Variants in KIF1B observed in about 807,000 individuals in gnomAD.
KIF1B encodes the protein kinesin-like protein KIF1B.
A neutral mutation model predicts 241.9 loss-of-function variants in KIF1B; 76 were observed. That is an observed-to-expected ratio of 0.31 (90% CI 0.26 to 0.38). KIF1B has a LOEUF of 0.38. Ranked by LOEUF, KIF1B falls within the 10% of genes least tolerant of loss-of-function variation. The pLI is 1.00. For missense variants in KIF1B, 1,622 were observed against 2,271.4 expected, an observed-to-expected ratio of 0.71 and a Z score of 5.81; for synonymous variants, 750 against 796.7, an observed-to-expected ratio of 0.94 and a Z score of 0.99.
intron 34 of KIF1B, among the ~76,000 whole-genome samples, chr1:10,345,105 G>A (rs1652541181): frequency 6.6e-6 from 1 of 152,042 alleles, no homozygotes; most frequent in Admixed American, 6.5e-5. Flanking sequence ...GAGGTGGGAG[G>A]ATGGTTTGAG....
At chr1:10,333,565 G>A (rs892842271) in intron 27 of KIF1B, among the ~76,000 whole-genome samples, 3 of 151,594 alleles carry the variant, frequency 2.0e-5, no homozygotes, top group Non-Finnish European at 4.4e-5. Flanking sequence ...GGTGGCGGGC[G>A]CCGATAGTCC....
intron 7 of KIF1B, among the ~76,000 whole-genome samples, chr1:10,270,952 T>G (rs4845931): frequency 0.34 from 50,610 of 148,100 alleles, 8,673 homozygotes; most frequent in Middle Eastern, 0.39. Flanking sequence ...GGAAAGAAAA[T>G]AAATGTCAAA....
chr1:10,346,359 T>G (rs971538119), intron 35 of KIF1B, among the ~76,000 whole-genome samples: 13 of 138,298 alleles, frequency 9.4e-5, no homozygotes, highest in Non-Finnish European at 1.6e-4. Context: ...TTTTTTGGGG[T>G]TTTTTTTGTT....
Position 10,336,682 on chromosome 1 carries a change from C to T in KIF1B, c.3069C>T (p.Gly1023=). The T allele has an allele frequency of 6.2e-7, 1 of 1,613,880 alleles. No individual in the cohort carries two copies. Among genetic ancestry groups the T allele is most frequent in the South Asian group, 1.1e-5 (1 of 91,082 alleles). ...IAADEEAPDY[G]SGIRQSGTAK... ...CGGATGAAGAAGCTCCTGATTATGG[C>T]TCTGGAATTCGACAGTCAGGAACAG... is the stretch of plus-strand genomic sequence containing the variant. Residue 1023 remains glycine (G), a synonymous_variant, in exon 29 of 49, where the codon GGC becomes GGT. Transcript: ENST00000676179.
intron 22 of KIF1B, among the ~76,000 whole-genome samples, chr1:10,316,835 G>A (rs1023396315): frequency 2.6e-5 from 4 of 151,542 alleles, no homozygotes; most frequent in Non-Finnish European, 4.4e-5. Context: ...TCTTGATTCA[G>A]TTATTACATC....
intron 2 of KIF1B, among the ~76,000 whole-genome samples, chr1:10,247,270 C>T (rs903823168): frequency 1.3e-5 from 2 of 152,130 alleles, no homozygotes; most frequent in African/African-American, 4.8e-5. Flanking sequence ...CATTGTTTGC[C>T]CACCTGGCTA....
At chr1:10,273,171 G>T in intron 10 of KIF1B, 140 bp downstream of exon 10, 1 of 594,302 alleles carries the variant, frequency 1.7e-6, no homozygotes, top group South Asian at 2.8e-5. Flanking sequence ...AATTTAGAGT[G>T]GCTGTAAATT....
chr1:10,316,241 A>G (rs1011623195), intron 22 of KIF1B, among the ~76,000 whole-genome samples: 3 of 151,220 alleles, frequency 2.0e-5, no homozygotes, highest in African/African-American at 7.4e-5. Flanking sequence ...TCCAAAAAAA[A>G]GGAAAAAGAT....
chr1:10,229,048 G>T (rs1043211915), intron 1 of KIF1B, among the ~76,000 whole-genome samples: 1 of 152,104 alleles, frequency 6.6e-6, no homozygotes, highest in Admixed American at 6.6e-5. Context: ...GAGGGAACTC[G>T]GGGAGGTTGC....
intron 1 of KIF1B, among the ~76,000 whole-genome samples, chr1:10,212,505 T>A (rs979073171): frequency 1.3e-5 from 2 of 152,226 alleles, no homozygotes; most frequent in Non-Finnish European, 2.9e-5. Flanking sequence ...ATGGCATGCC[T>A]GCTTTCTTCT....
At chr1:10,259,212 A>G (rs1047058902) in intron 4 of KIF1B, among the ~76,000 whole-genome samples, 3 of 150,628 alleles carry the variant, frequency 2.0e-5, no homozygotes, top group African/African-American at 7.3e-5. Flanking sequence ...TTGTTTGGGA[A>G]TGAAGAAGCG....
At chr1:10,238,748 A>G (rs937985860) in intron 2 of KIF1B, among the ~76,000 whole-genome samples, 2 of 152,038 alleles carry the variant, frequency 1.3e-5, no homozygotes, top group Non-Finnish European at 2.9e-5. Flanking sequence ...AAAAACACCA[A>G]AAGAAAGTAA....
At chr1:10,339,087 GGAGA>G (rs144387373) in intron 31 of KIF1B, among the ~76,000 whole-genome samples, 1 of 151,280 alleles carries the variant, frequency 6.6e-6, no homozygotes, top group African/African-American at 2.4e-5. Flanking sequence ...CTAATAATAG[GGAGA>G]GAGAGAGAGA....
chr1:10,241,167 A>G (rs1011448517), intron 2 of KIF1B, among the ~76,000 whole-genome samples: 1 of 152,134 alleles, frequency 6.6e-6, no homozygotes, highest in Non-Finnish European at 1.5e-5. Flanking sequence ...GACTGAATAC[A>G]GTGGCACAAT....
chr1:10,339,967 G>A, intron 32 of KIF1B, 108 bp downstream of exon 32: 1 of 917,300 alleles, frequency 1.1e-6, no homozygotes, highest in South Asian at 1.4e-5. Context: ...TGTGCAGGGG[G>A]AGAGTAGACA....
chr1:10,283,829 T>C (rs1309359088), intron 15 of KIF1B, among the ~76,000 whole-genome samples: 1 of 152,230 alleles, frequency 6.6e-6, no homozygotes, highest in Non-Finnish European at 1.5e-5. Context: ...TCACAGTCAC[T>C]TGGTATTCCC....
Position 10,259,491 on chromosome 1 carries a change from T to TAA in KIF1B, c.363+832_363+833dup, listed in dbSNP as rs5772403. 2.9e-3 allele frequency among the ~76,000 whole-genome samples: 396 copies of TAA among 138,292 alleles called. 3 individuals carry two copies. Among genetic ancestry groups the TAA allele is most frequent in the African/African-American group, 9.5e-3 (352 of 37,212 alleles). The allele number at this position is 138,292 out of a possible 152,430, so 90.7% of individuals were successfully genotyped here. On this transcript the variant is annotated intron_variant, in intron 4 of 48. Coordinates refer to ENST00000676179, the MANE Select transcript of KIF1B (RefSeq NM_001365951.3). Reference sequence around the variant, plus strand: ...CACCACACCTAGCTCATTTTTAAATTAAAAAAAAAAAAAATTTTTTTTTTT... The same window carrying TAA: ...CACCACACCTAGCTCATTTTTAAATTAAAAAAAAAAAAAAAATTTTTTTTTTT...
At chr1:10,232,563 C>A (rs1646996823) in intron 2 of KIF1B, 129 bp downstream of exon 2, 2 of 708,982 alleles carry the variant, frequency 2.8e-6, no homozygotes, top group Non-Finnish European at 5.1e-6. Context: ...TCTGAATGAT[C>A]CATTGAATGT....
At chr1:10,280,857 C>G (rs980922284) in intron 14 of KIF1B, among the ~76,000 whole-genome samples, 7 of 152,286 alleles carry the variant, frequency 4.6e-5, no homozygotes, top group Middle Eastern at 6.8e-3. Flanking sequence ...AGTTTTAATT[C>G]TGTATTCCTG....
Sources: gnomAD v4.1 joint callset for allele counts (sites outside exome capture counted in the v4.1 genomes callset) on GRCh38, gnomAD v4.1.1 for gene constraint, MANE v1.5 for transcripts, NCBI Gene and HGNC (gene_info 2026-07-23, HGNC 2026-07-21) for gene names.